The following LAMA1 variants were observed in gnomAD, a reference collection of about 807,000 sequenced individuals.
LAMA1 encodes laminin subunit alpha-1.
In LAMA1, 219 loss-of-function variants were observed where a neutral mutation model predicts 348.7. The observed-to-expected ratio is 0.63, with a 90% CI of 0.56 to 0.70. LAMA1 has a LOEUF of 0.70. Ranked by LOEUF, LAMA1 falls within the 30% of genes least tolerant of loss-of-function variation. The pLI is 0.00. For missense variants in LAMA1, 3,744 were observed against 3,888.0 expected, an observed-to-expected ratio of 0.96 and a Z score of 0.99; for synonymous variants, 1,487 against 1,491.0, an observed-to-expected ratio of 1.00 and a Z score of 0.06.
chr18:7,026,970 C>T (rs1352430504), intron 16 of LAMA1, among the ~76,000 whole-genome samples: 4 of 146,288 alleles, frequency 2.7e-5, no homozygotes, highest in Non-Finnish European at 5.9e-5. Context: ...TGGGTGACAG[C>T]GAGACTCCGT....
In LAMA1 at chr18:7,010,398, A is replaced by G. The variant is rs779237292; in HGVS notation, c.3688-13T>C. The G allele has an allele frequency of 1.2e-6, 2 of 1,612,818 alleles. No homozygotes were observed. Among genetic ancestry groups the G allele is most frequent in the South Asian group, 1.1e-5 (1 of 91,064 alleles). ...CATAGGCCATGAGCTATCAAATAAT[A>G]AAGTGTTGTTTACTTCTCTGACAAA... On this transcript the variant is annotated splice_polypyrimidine_tract_variant and intron_variant, in intron 25 of 62. Transcript: ENST00000389658.
intron 34 of LAMA1, among the ~76,000 whole-genome samples, chr18:6,994,295 G>A (rs1461810657): frequency 2.0e-5 from 3 of 152,206 alleles, no homozygotes; most frequent in African/African-American, 7.2e-5. Flanking sequence ...ACGAGAGCCA[G>A]GAAGTCAGCA....
intron 48 of LAMA1, among the ~76,000 whole-genome samples, chr18:6,970,207 A>G (rs2144025881): frequency 6.6e-6 from 1 of 152,274 alleles, no homozygotes; most frequent in Admixed American, 6.5e-5. Context: ...AGGGTGTGTC[A>G]TTACCTCACG....
intron 1 of LAMA1, among the ~76,000 whole-genome samples, chr18:7,087,047 G>A (rs1372036736): frequency 1.3e-5 from 2 of 152,148 alleles, no homozygotes; most frequent in Admixed American, 1.3e-4. Context: ...TAGAAATAGA[G>A]AGAAAAATTA....
chr18:7,078,473 CT>C (rs2058180225), intron 3 of LAMA1, among the ~76,000 whole-genome samples: 1 of 151,928 alleles, frequency 6.6e-6, no homozygotes. Context: ...GCTCTTTTCT[CT>C]TTTTCTTTAA....
chr18:7,114,851 C>T (rs1381745661), intron 1 of LAMA1, among the ~76,000 whole-genome samples: 1 of 152,102 alleles, frequency 6.6e-6, no homozygotes, highest in African/African-American at 2.4e-5. Flanking sequence ...GTCCCAGAAG[C>T]ATTTTATATG....
chr18:6,966,024 T>C (rs1471263135), intron 49 of LAMA1, 123 bp downstream of exon 49: 28 of 1,066,884 alleles, frequency 2.6e-5, no homozygotes, highest in East Asian at 5.2e-5. Flanking sequence ...CATATGCTCA[T>C]AAAAATTGTA....
At chr18:7,101,279 G>C (rs956160287) in intron 1 of LAMA1, among the ~76,000 whole-genome samples, 1 of 152,156 alleles carries the variant, frequency 6.6e-6, no homozygotes, top group Non-Finnish European at 1.5e-5. Flanking sequence ...TTAAAACAGA[G>C]ATTCTCCTCA....
At chr18:6,969,759 A>AG (rs2057649847) in intron 48 of LAMA1, among the ~76,000 whole-genome samples, 1 of 152,172 alleles carries the variant, frequency 6.6e-6, no homozygotes, top group African/African-American at 2.4e-5. Flanking sequence ...CCAAAGGTCC[A>AG]GGGTGTGTGG....
chr18:6,943,173 T>C lies in LAMA1; in HGVS notation c.9067+7A>G, dbSNP rs1277765724. 6 of 1,613,054 alleles carry C rather than the reference T, an allele frequency of 3.7e-6. No homozygotes were observed. The South Asian group carries it at 5.5e-5, about 15-fold the overall frequency. ...TTTTGAGTGGAAGAGCAGGTACCCG[T>C]ACATACCAGGATAGCCACCAACATA... On this transcript the variant is annotated splice_region_variant and intron_variant, in intron 62 of 62. Transcript: ENST00000389658.
Position 7,038,862 on chromosome 18 carries a change from A to C in LAMA1, c.1511T>G (p.Phe504Cys). 2 of 1,614,224 alleles carry C rather than the reference A, an allele frequency of 1.2e-6. No individual in the cohort carries two copies. Among genetic ancestry groups the C allele is most frequent in the Non-Finnish European group, 8.5e-7 (1 of 1,180,032 alleles). ...EKNPRGCSEC[F>C]CFGVSDVCSS... is the part of the protein sequence containing the mutation. ...GCAGACATCAGAAACGCCAAAGCAGAAGCACTCGGAGCAGCCCCGGGGGTT... is the reference window on the plus strand; with the variant it reads ...GCAGACATCAGAAACGCCAAAGCAGCAGCACTCGGAGCAGCCCCGGGGGTT... The change falls in exon 11 of 63, where the codon TTC becomes TGC. Residue 504 changes from phenylalanine (F) to cysteine (C), a missense_variant. Around this residue, in one of 3 missense-constraint regions of LAMA1, gnomAD observed 1,529 missense variants for 1,689.4 expected, o/e 0.91. Coordinates refer to ENST00000389658, the MANE Select transcript of LAMA1 (RefSeq NM_005559.4).
intron 19 of LAMA1, among the ~76,000 whole-genome samples, chr18:7,022,500 G>C (rs1191520821): frequency 6.6e-6 from 1 of 152,254 alleles, no homozygotes; most frequent in East Asian, 1.9e-4. Flanking sequence ...TCCCCATGTC[G>C]TAGTACCATA....
Position 7,002,248 on chromosome 18 carries a change from C to A in LAMA1, c.4382+16G>T, listed in dbSNP as rs551476839. 6.2e-7 allele frequency: 1 copy of A among 1,610,062 alleles called. No homozygotes were observed. The highest frequency in any genetic ancestry group is 8.5e-7 in the Non-Finnish European group (1 of 1,179,868). On this transcript the variant is annotated intron_variant, in intron 30 of 62. Coordinates refer to ENST00000389658, the MANE Select transcript of LAMA1 (RefSeq NM_005559.4). ...CTGGGCAGCCCAGCATGCCAGCTGC[C>A]CCTGTGGGGACTCACCTGGCAGGAG... is the stretch of plus-strand genomic sequence containing the variant.
Position 6,985,243 on chromosome 18 carries a change from A to G in LAMA1, c.5654T>C (p.Leu1885Pro). Residue 1885 changes from leucine (L) to proline (P), a missense_variant, in exon 39 of 63, where the codon CTG becomes CCG. Physicochemically the swap from Leu to Pro is moderately conservative, Grantham distance 98. This residue lies in a region of LAMA1 where 1,983 missense variants were observed against 1,934.3 expected (regional missense o/e 1.03). Transcript: ENST00000389658. ...CACAAAGGCGTGTTCCTACCTGTAC[A>G]GAACATCTGCTAGTCTCTGGAACTC... ...AAEFQRLADV[L>P]YSGLENIRNV... is the part of the protein sequence containing the mutation. 1 of 1,614,126 alleles carries G rather than the reference A, an allele frequency of 6.2e-7. No individual in the cohort carries two copies. The highest frequency in any genetic ancestry group is 1.7e-4 in the Middle Eastern group (1 of 6,056).
intron 19 of LAMA1, 49 bp downstream of exon 19, chr18:7,023,115 C>T: frequency 1.3e-6 from 2 of 1,574,038 alleles, no homozygotes; most frequent in Admixed American, 1.8e-5. Context: ...CGGTTGAAGA[C>T]TTCCTATGGC....
At chr18:7,117,584 G>A in intron 1 of LAMA1, 76 bp downstream of exon 1, 1 of 1,490,832 alleles carries the variant, frequency 6.7e-7, no homozygotes, top group Non-Finnish European at 9.1e-7. Context: ...GCCCCAACGC[G>A]ACGGGCTTTG....
At chr18:7,084,495 C>G (rs1253682179) in intron 1 of LAMA1, among the ~76,000 whole-genome samples, 4 of 152,146 alleles carry the variant, frequency 2.6e-5, no homozygotes, top group African/African-American at 9.7e-5. Context: ...AAATGTTATT[C>G]ACTTCAGTTA....
chr18:7,115,432 T>C (rs1259939115), intron 1 of LAMA1, among the ~76,000 whole-genome samples: 1 of 152,128 alleles, frequency 6.6e-6, no homozygotes, highest in African/African-American at 2.4e-5. Flanking sequence ...TTGAAACTCA[T>C]TAAATTTCAA....
intron 29 of LAMA1, among the ~76,000 whole-genome samples, chr18:7,005,730 A>G (rs2057829021): frequency 6.6e-6 from 1 of 152,198 alleles, no homozygotes; most frequent in Non-Finnish European, 1.5e-5. Context: ...TGGGTGACAG[A>G]GCAAGCCTCC....
Sources: gnomAD v4.1 joint callset for allele counts (sites outside exome capture counted in the v4.1 genomes callset) on GRCh38, gnomAD v4.1.1 for gene constraint, gnomAD v4.1.1 regional missense constraint, MANE v1.5 for transcripts, NCBI Gene and HGNC (gene_info 2026-07-23, HGNC 2026-07-21) for gene names.